The following CCDC178 variants were observed in gnomAD, a reference collection of about 807,000 sequenced individuals.
CCDC178 encodes coiled-coil domain-containing protein 178.
In CCDC178, 126 loss-of-function variants were observed where a neutral mutation model predicts 117.4. The ratio of observed to expected loss-of-function variants is 1.07; its 90% CI spans 0.93 to 1.24. CCDC178 has a LOEUF of 1.24. Ranked by LOEUF, CCDC178 falls within the 50% of genes most tolerant of loss-of-function variation. The pLI is 0.00. For missense variants in CCDC178, 1,030 were observed against 986.9 expected (o/e 1.04, Z -0.59); for synonymous variants, 283 against 313.4 (o/e 0.90, Z 1.02).
At chr18:33,145,541 T>C (rs546740734) in intron 20 of CCDC178, among the ~76,000 whole-genome samples, 1 of 152,320 alleles carries the variant, frequency 6.6e-6, no homozygotes, top group East Asian at 1.9e-4. Flanking sequence ...GCAAAATTTT[T>C]AAAATTATAA....
At chr18:33,084,211 T>C (rs1052777104) in intron 21 of CCDC178, among the ~76,000 whole-genome samples, 1 of 152,188 alleles carries the variant, frequency 6.6e-6, no homozygotes, top group Non-Finnish European at 1.5e-5. Context: ...AATCCTTTAA[T>C]TTGTTTTCAT....
chr18:33,428,720 G>A (rs1599309891), intron 2 of CCDC178, among the ~76,000 whole-genome samples: 1 of 107,904 alleles, frequency 9.3e-6, no homozygotes, highest in Non-Finnish European at 1.7e-5. Context: ...AACAGAGTGA[G>A]ACTCTGTCTC....
intron 12 of CCDC178, among the ~76,000 whole-genome samples, chr18:33,287,220 T>C (rs1226252719): frequency 6.6e-6 from 1 of 152,194 alleles, no homozygotes; most frequent in Non-Finnish European, 1.5e-5. Context: ...ATCTTCTATT[T>C]TTCTCTTGAA....
intron 12 of CCDC178, among the ~76,000 whole-genome samples, chr18:33,278,132 A>G (rs1016757338): frequency 5.3e-5 from 8 of 151,900 alleles, no homozygotes; most frequent in Non-Finnish European, 1.0e-4. Context: ...ATGAAACTAT[A>G]TAGGTTCGAT....
intron 21 of CCDC178, among the ~76,000 whole-genome samples, chr18:33,071,170 C>A (rs114676937): frequency 6.6e-6 from 1 of 151,766 alleles, no homozygotes; most frequent in South Asian, 2.1e-4. Flanking sequence ...CTTTTAGGAG[C>A]GAGTAGTCAT....
chr18:33,435,033 T>C (rs2064270524), intron 2 of CCDC178, among the ~76,000 whole-genome samples: 1 of 152,184 alleles, frequency 6.6e-6, no homozygotes, highest in South Asian at 2.1e-4. Flanking sequence ...GCAAATATTA[T>C]GTGCTCAAAA....
intron 20 of CCDC178, among the ~76,000 whole-genome samples, chr18:33,130,826 T>A (rs1020611687): frequency 7.2e-5 from 11 of 151,962 alleles, no homozygotes; most frequent in Non-Finnish European, 1.5e-5. Flanking sequence ...TCCTCTTCAA[T>A]ACGTTTTCTA....
At position 33,224,883 on chromosome 18, in the gene CCDC178, T is replaced by C; in HGVS notation, c.1710A>G (p.Ile570Met). 6.4e-7 allele frequency: 1 copy of C among 1,569,060 alleles called. No homozygotes were observed. The highest frequency in any genetic ancestry group is 1.2e-5 in the South Asian group (1 of 83,688). Residue 570 changes from isoleucine (I) to methionine (M), a missense_variant, in exon 17 of 23, where the codon ATA becomes ATG. By Grantham distance (10) the Ile-to-Met change is conservative. Coordinates refer to ENST00000383096, the MANE Select transcript of CCDC178 (RefSeq NM_001105528.4). ...ACATGGCACATATTGCTCTATTTTT[T>C]ATAAGCTCTTTCCGCTCAAGTGCCT... ...EVQALERKELIKNRAICAMSL... is the reference protein window; with the variant it reads ...EVQALERKELMKNRAICAMSL...
chr18:33,131,990 C>G (rs1040610415), intron 20 of CCDC178, among the ~76,000 whole-genome samples: 14 of 144,742 alleles, frequency 9.7e-5, no homozygotes, highest in African/African-American at 3.8e-4. Flanking sequence ...TTGTTTGTTT[C>G]TTTGTTTTTT....
At chr18:33,028,413 T>G (rs534549428) in intron 21 of CCDC178, among the ~76,000 whole-genome samples, 8 of 151,936 alleles carry the variant, frequency 5.3e-5, no homozygotes, top group Admixed American at 2.6e-4. Context: ...CAATTTTATC[T>G]AGACTGCATG....
At chr18:33,329,520 T>C (rs949545823) in intron 10 of CCDC178, among the ~76,000 whole-genome samples, 31 of 152,218 alleles carry the variant, frequency 2.0e-4, no homozygotes, top group Admixed American at 1.3e-4. Context: ...ACTTTGTCCA[T>C]TGTTTGTTCT....
At chr18:33,184,215 C>T (rs575278432) in intron 20 of CCDC178, among the ~76,000 whole-genome samples, 22 of 152,070 alleles carry the variant, frequency 1.4e-4, no homozygotes, top group Non-Finnish European at 2.8e-4. Context: ...AGAGACTATG[C>T]CTCTCTTGTT....
chr18:33,334,693 T>A (rs1005826833), intron 9 of CCDC178, among the ~76,000 whole-genome samples: 2 of 152,094 alleles, frequency 1.3e-5, no homozygotes, highest in Non-Finnish European at 2.9e-5. Flanking sequence ...ATTTATAATT[T>A]ATGATAGCTT....
intron 7 of CCDC178, 42 bp downstream of exon 7, chr18:33,356,282 A>AT (rs1438321704): frequency 2.8e-6 from 4 of 1,446,852 alleles, no homozygotes; most frequent in Non-Finnish European, 3.7e-6. Flanking sequence ...AAATTTGGAC[A>AT]TTAAAAATAA....
chr18:32,965,711 A>C (rs1461002880), intron 22 of CCDC178, among the ~76,000 whole-genome samples: 1 of 151,742 alleles, frequency 6.6e-6, no homozygotes, highest in African/African-American at 2.4e-5. Flanking sequence ...CATAGTCCTC[A>C]ACAGAATATG....
At chr18:33,169,311 A>G (rs2058569754) in intron 20 of CCDC178, among the ~76,000 whole-genome samples, 1 of 152,208 alleles carries the variant, frequency 6.6e-6, no homozygotes, top group Non-Finnish European at 1.5e-5. Context: ...GATTTAAGCT[A>G]GTGAAATCAG....
intron 20 of CCDC178, among the ~76,000 whole-genome samples, chr18:33,197,640 A>G (rs982529986): frequency 6.6e-6 from 1 of 151,622 alleles, no homozygotes; most frequent in East Asian, 1.9e-4. Context: ...AAAAAAAAAA[A>G]TACTTATGCT....
intron 22 of CCDC178, among the ~76,000 whole-genome samples, chr18:32,965,470 A>C (rs771132437): frequency 2.6e-5 from 4 of 151,942 alleles, no homozygotes; most frequent in Non-Finnish European, 5.9e-5. Context: ...AGTCCTGTTT[A>C]GCCTGACATA....
intron 20 of CCDC178, among the ~76,000 whole-genome samples, chr18:33,100,367 T>G (rs2057606890): frequency 6.6e-6 from 1 of 151,882 alleles, no homozygotes; most frequent in Non-Finnish European, 1.5e-5. Context: ...TTGTCTCTGT[T>G]GTATATATTT....
Sources: allele counts gnomAD v4.1 joint callset (sites outside exome capture counted in the v4.1 genomes callset), GRCh38; gene constraint gnomAD v4.1.1; transcripts MANE v1.5; gene names NCBI Gene and HGNC (gene_info 2026-07-23, HGNC 2026-07-21).